The following NCAM2 variants were observed in gnomAD, a reference collection of about 807,000 sequenced individuals.
The protein encoded by NCAM2 is N-CAM-2.
In NCAM2, 30 loss-of-function variants were observed where a neutral mutation model predicts 98.1. The ratio of observed to expected loss-of-function variants is 0.31; its 90% confidence interval spans 0.23 to 0.41. The LOEUF (loss-of-function observed/expected upper bound fraction) is 0.41, where lower values mean the gene tolerates loss of function less well. Among genes scored for constraint, NCAM2 ranks in the 10% least tolerant of loss-of-function variants. The pLI is 1.00. For missense variants in NCAM2, 867 were observed against 1,005.8 expected, an observed-to-expected ratio of 0.86 and a Z score of 1.87; for synonymous variants, 368 against 342.4, an observed-to-expected ratio of 1.07 and a Z score of -0.83.
intron 12 of NCAM2, among the ~76,000 whole-genome samples, chr21:21,443,472 T>A (rs1979626203): frequency 6.6e-6 from 1 of 152,138 alleles, no homozygotes; most frequent in Non-Finnish European, 1.5e-5. Flanking sequence ...GCTTGCTTTC[T>A]GTGTTGTGGA....
rs543954371 is a variant in NCAM2 at position 21,489,231 on chromosome 21, T to C, written c.2077+11760T>C. ...GCTGGTCTCGAACTCCTGAACCCAA[T>C]TGATCCTCCTGCTTCAGCCTCCCAA... On this transcript the variant is annotated intron_variant, in intron 15 of 17. Transcript: ENST00000400546. 8.5e-5 allele frequency among the ~76,000 whole-genome samples: 13 copies of C among 152,144 alleles called. No individual in the cohort carries two copies. The East Asian group carries it at 1.7e-3, about 20-fold the overall frequency.
chr21:21,264,968 T>TACAG (rs2072101531), intron 1 of NCAM2, among the ~76,000 whole-genome samples: 3 of 128,290 alleles, frequency 2.3e-5, no homozygotes, highest in Admixed American at 1.6e-4. Context: ...TGTGTATATA[T>TACAG]ACACATATAT....
intron 1 of NCAM2, among the ~76,000 whole-genome samples, chr21:21,226,410 C>G (rs1345644552): frequency 6.6e-6 from 1 of 151,868 alleles, no homozygotes. Flanking sequence ...TATTCATTAC[C>G]TCAGATTTAA....
intron 1 of NCAM2, among the ~76,000 whole-genome samples, chr21:21,043,829 G>A (rs2064955095): frequency 2.7e-5 from 4 of 147,084 alleles, no homozygotes; most frequent in African/African-American, 1.0e-4. Flanking sequence ...ACTCCAGCCT[G>A]GGTGACTTGT....
rs530406411 is a variant in NCAM2, at chr21:21,476,152, G to A, written c.1897-1139G>A. ...TCAACATAGAGTAATACAGGGCTGAGCTATGAGGTTAAAAGACATGTCTGC... is the reference window on the plus strand; with the variant it reads ...TCAACATAGAGTAATACAGGGCTGAACTATGAGGTTAAAAGACATGTCTGC... On this transcript the variant is annotated intron_variant, in intron 14 of 17. Transcript: ENST00000400546. Among the ~76,000 whole-genome samples, 23 of 152,198 alleles carry A rather than the reference G, an allele frequency of 1.5e-4. No individual in the cohort carries two copies. In the East Asian group the frequency reaches 1.5e-3, roughly 10 times the overall value.
chr21:21,154,612 A>G (rs754021322), intron 1 of NCAM2, among the ~76,000 whole-genome samples: 1 of 151,876 alleles, frequency 6.6e-6, no homozygotes, highest in Non-Finnish European at 1.5e-5. Context: ...ATGAGTGGAT[A>G]GGTACATGGA....
chr21:21,318,964 A>G (rs1167301031), intron 5 of NCAM2, among the ~76,000 whole-genome samples: 1 of 152,174 alleles, frequency 6.6e-6, no homozygotes, highest in Non-Finnish European at 1.5e-5. Context: ...ATATTAATCA[A>G]TATTTGCATA....
chr21:21,112,917 G>A (rs2066483427), intron 1 of NCAM2, among the ~76,000 whole-genome samples: 1 of 152,180 alleles, frequency 6.6e-6, no homozygotes, highest in African/African-American at 2.4e-5. Context: ...AGAATGGGAT[G>A]TGTTCTTTTG....
At chr21:21,122,274 T>C (rs2146570949) in intron 1 of NCAM2, among the ~76,000 whole-genome samples, 1 of 152,326 alleles carries the variant, frequency 6.6e-6, no homozygotes, top group South Asian at 2.1e-4. Context: ...TATAATCTGG[T>C]AAGGTGATTA....
chr21:21,087,380 C>A (rs1185266750), intron 1 of NCAM2, among the ~76,000 whole-genome samples: 1 of 152,122 alleles, frequency 6.6e-6, no homozygotes, highest in African/African-American at 2.4e-5. Context: ...TTTCTCCTAG[C>A]TCCCTGTTTG....
intron 8 of NCAM2, among the ~76,000 whole-genome samples, chr21:21,347,580 A>C (rs955428630): frequency 6.6e-6 from 1 of 152,076 alleles, no homozygotes; most frequent in Non-Finnish European, 1.5e-5. Flanking sequence ...ACATTTAAAG[A>C]AGAGCTAATC....
At chr21:21,508,349 G>A (rs973954347) in intron 15 of NCAM2, among the ~76,000 whole-genome samples, 2 of 151,972 alleles carry the variant, frequency 1.3e-5, no homozygotes, top group Non-Finnish European at 2.9e-5. Flanking sequence ...AAAATAACGC[G>A]CTCAGAACCA....
chr21:21,153,130 G>GGAGTC (rs151262217), intron 1 of NCAM2, among the ~76,000 whole-genome samples: 2,008 of 150,356 alleles, frequency 0.013, 58 homozygotes, highest in African/African-American at 0.047. Context: ...GGGATTGTCT[G>GGAGTC]GAGTCAACTA....
chr21:21,306,235 A>T (rs1288292479), intron 5 of NCAM2, among the ~76,000 whole-genome samples: 3 of 152,160 alleles, frequency 2.0e-5, no homozygotes, highest in Non-Finnish European at 4.4e-5. Flanking sequence ...AGTCTTCTGT[A>T]TCTTTTTAAC....
At position 21,273,801 on chromosome 21, in the gene NCAM2, C is replaced by A. The variant is rs11911308; in HGVS notation, c.56-6777C>A. 2.8e-3 allele frequency among the ~76,000 whole-genome samples: 419 copies of A among 151,892 alleles called. 3 individuals carry two copies. Among genetic ancestry groups the A allele is most frequent in the African/African-American group, 9.5e-3 (394 of 41,388 alleles). On this transcript the variant is annotated intron_variant, in intron 1 of 17. Transcript: ENST00000400546. ...TTTGGTTTTAAATTTATTATTATTT[C>A]TTGTTTAGGATGAAACTTTATTAAA...
In NCAM2 at chr21:21,015,091, A is replaced by G. The variant is rs373900792; in HGVS notation, c.55+16473A>G. Among the ~76,000 whole-genome samples the G allele has an allele frequency of 8.5e-4, 130 of 152,360 alleles. 1 individual carries two copies. In the South Asian group the frequency reaches 0.011, roughly 13 times the overall value. The stretch of plus-strand genomic sequence containing the variant: ...GAGAAGTTATTAGCTTCTTATGGGT[A>G]AGCAAGGAAAGTGATTTCTTGAGAT... On this transcript the variant is annotated intron_variant, in intron 1 of 17. Coordinates refer to ENST00000400546, the MANE Select transcript of NCAM2 (RefSeq NM_004540.5).
chr21:21,182,133 T>C (rs1161157294), intron 1 of NCAM2, among the ~76,000 whole-genome samples: 1 of 152,066 alleles, frequency 6.6e-6, no homozygotes, highest in Non-Finnish European at 1.5e-5. Flanking sequence ...TTTGAACAAA[T>C]GAATTGATCA....
chr21:21,010,333 T>C (rs1169711054), intron 1 of NCAM2, among the ~76,000 whole-genome samples: 1 of 152,048 alleles, frequency 6.6e-6, no homozygotes, highest in Non-Finnish European at 1.5e-5. Context: ...GCCTATGTGC[T>C]TTATAAAAAC....
chr21:21,469,591 T>C (rs1984167362), intron 14 of NCAM2, among the ~76,000 whole-genome samples: 1 of 152,030 alleles, frequency 6.6e-6, no homozygotes, highest in Non-Finnish European at 1.5e-5. Flanking sequence ...TCCAAATTAA[T>C]TATATTTTAG....
Sources: allele counts gnomAD v4.1 joint callset (sites outside exome capture counted in the v4.1 genomes callset), GRCh38; gene constraint gnomAD v4.1.1; transcripts MANE v1.5; gene names NCBI Gene and HGNC (gene_info 2026-07-23, HGNC 2026-07-21).